ATAD3B: variants seen among roughly 807,000 people sequenced by gnomAD.
ATAD3B encodes ATPase family AAA domain-containing protein 3B.
A neutral mutation model predicts 70.2 loss-of-function variants in ATAD3B; 59 were observed. The ratio of observed to expected loss-of-function variants is 0.84; its 90% CI spans 0.68 to 1.04. The LOEUF (loss-of-function observed/expected upper bound fraction) is 1.04, where lower values mean the gene tolerates loss of function less well. Ranked by LOEUF, ATAD3B falls within the 50% of genes least tolerant of loss-of-function variation. The pLI, the probability that ATAD3B is intolerant of heterozygous loss-of-function variation, is 0.00. For missense variants in ATAD3B, 961 were observed against 913.4 expected (o/e 1.05, Z -0.67); for synonymous variants, 423 against 388.6 (o/e 1.09, Z -1.04).
chr1:1,485,251 C>A, intron 8 of ATAD3B, 80 bp downstream of exon 8: 2 of 1,549,342 alleles, frequency 1.3e-6, no homozygotes, highest in Admixed American at 3.8e-5. Flanking sequence ...CCCACGCACA[C>A]CCTCCCGTCC....
chr1:1,478,367 G>T, intron 2 of ATAD3B: 4 of 1,430,066 alleles, frequency 2.8e-6, no homozygotes, highest in Non-Finnish European at 3.7e-6. Flanking sequence ...CACCTGCCTG[G>T]AGCTGCCCAG....
At chr1:1,491,353 A>G (rs1004241105) in intron 15 of ATAD3B, among the ~76,000 whole-genome samples, 1 of 151,950 alleles carries the variant, frequency 6.6e-6, no homozygotes, top group African/African-American at 2.4e-5. Context: ...CAATATGTCG[A>G]AACCCCGTCT....
intron 4 of ATAD3B, among the ~76,000 whole-genome samples, chr1:1,479,982 G>A (rs1476772950): frequency 7.4e-6 from 1 of 135,428 alleles, no homozygotes; most frequent in Non-Finnish European, 1.6e-5. Flanking sequence ...ACACACACAG[G>A]CATGGACACA....
At chr1:1,485,523 G>A (rs1324750728) in intron 8 of ATAD3B, among the ~76,000 whole-genome samples, 1 of 151,654 alleles carries the variant, frequency 6.6e-6, no homozygotes, top group Non-Finnish European at 1.5e-5. Flanking sequence ...CCGCTTGCCA[G>A]CCCCTGAGGT....
At chr1:1,485,227 C>T in intron 8 of ATAD3B, 56 bp downstream of exon 8, 1 of 1,594,938 alleles carries the variant, frequency 6.3e-7, no homozygotes, top group Non-Finnish European at 8.5e-7. Context: ...GTCCCTTCTG[C>T]CCCACGAGCA....
chr1:1,504,554 G>A, the ATAD3B span, among the ~76,000 whole-genome samples: 1 of 152,122 alleles, frequency 6.6e-6, no homozygotes, highest in Non-Finnish European at 1.5e-5. Context: ...GGAGGCTGAG[G>A]CAGGAGAATC....
the ATAD3B span, chr1:1,509,167 C>T: frequency 1.2e-6 from 2 of 1,605,560 alleles, no homozygotes; most frequent in South Asian, 2.2e-5. Flanking sequence ...TGGGGGGTTC[C>T]CATGGCGGCC....
At chr1:1,475,478 C>G (rs1378600042) in intron 1 of ATAD3B, among the ~76,000 whole-genome samples, 1 of 151,912 alleles carries the variant, frequency 6.6e-6, no homozygotes, top group Non-Finnish European at 1.5e-5. Flanking sequence ...TCGCCCGTTG[C>G]TTTGTCCTTG....
intron 2 of ATAD3B, chr1:1,478,415 C>T (rs1639711769): frequency 6.7e-7 from 1 of 1,502,786 alleles, no homozygotes; most frequent in Non-Finnish European, 8.9e-7. Flanking sequence ...TCTGACCTCC[C>T]TCCCCGGGGG....
At chr1:1,509,423 C>T in the ATAD3B span, 4 of 1,597,228 alleles carry the variant, frequency 2.5e-6, no homozygotes, top group Non-Finnish European at 3.4e-6. Context: ...CGGCCCCGCA[C>T]ATTTAGGAAA....
Position 1,471,791 on chromosome 1 carries a change from A to C in ATAD3B, c.-94A>C, listed in dbSNP as rs1227702521. 1.6e-6 allele frequency: 2 copies of C among 1,218,764 alleles called. No individual in the cohort carries two copies. Among genetic ancestry groups the C allele is most frequent in the African/African-American group, 3.2e-5 (2 of 63,080 alleles). 75.5% of individuals were successfully genotyped at this position (1,218,764 alleles called of 1,614,324 possible). On this transcript the variant is annotated 5_prime_UTR_variant, in exon 1 of 16. Transcript: ENST00000673477. ...TTTCGCCTGCGCAGTGGTCCTGGCC[A>C]CCGGCTCGCGGCGCGTGGAGGCTGC...
At position 1,471,818 on chromosome 1, in the gene ATAD3B, C is replaced by T. The variant is rs1463960481; in HGVS notation, c.-67C>T. On this transcript the variant is annotated 5_prime_UTR_variant, in exon 1 of 16. Coordinates refer to ENST00000673477, the MANE Select transcript of ATAD3B (RefSeq NM_031921.6). ...CGGCTCGCGGCGCGTGGAGGCTGCT[C>T]CCAGCCGCGCCCGAGTCAGACTCGG... 1 of 1,235,460 alleles carries T rather than the reference C, an allele frequency of 8.1e-7. No homozygotes were observed. Among genetic ancestry groups the T allele is most frequent in the Non-Finnish European group, 1.0e-6 (1 of 987,688 alleles). The allele number at this position is 1,235,460 out of a possible 1,614,324, so 76.5% of individuals were successfully genotyped here. A position where few individuals can be genotyped will look rare whatever the true frequency, so the allele number is the denominator to read the frequency against.
chr1:1,509,299 G>C, the ATAD3B span: 2 of 1,612,764 alleles, frequency 1.2e-6, no homozygotes, highest in Non-Finnish European at 1.7e-6. Flanking sequence ...CAGATGATGC[G>C]CTGGCTGAAG....
Position 1,495,472 on chromosome 1 carries a change from C to T in ATAD3B, c.1615-13C>T, listed in dbSNP as rs533405802. 6.3e-7 allele frequency: 1 copy of T among 1,587,064 alleles called. No homozygotes were observed. The highest frequency in any genetic ancestry group is 8.6e-7 in the Non-Finnish European group (1 of 1,162,190). ...CCATAGCGGCCTCCCTCAGCTCCCTCTCTCTTCACTAGGCCACGGCATATG... is the reference window on the plus strand; with the variant it reads ...CCATAGCGGCCTCCCTCAGCTCCCTTTCTCTTCACTAGGCCACGGCATATG... On this transcript the variant is annotated splice_polypyrimidine_tract_variant and intron_variant, in intron 15 of 15. Transcript: ENST00000673477.
chr1:1,480,762 G>C, intron 4 of ATAD3B, 105 bp from the exon 5 acceptor site: 1 of 1,553,300 alleles, frequency 6.4e-7, no homozygotes, highest in Non-Finnish European at 8.7e-7. Context: ...AGGTGCCCAG[G>C]ACGCTTGGAG....
At chr1:1,501,858 T>G (rs1328352676), downstream of ATAD3B, among the ~76,000 whole-genome samples, 3 of 151,692 alleles carry the variant, frequency 2.0e-5, no homozygotes, top group Non-Finnish European at 4.4e-5. Flanking sequence ...GGGTAAGTTT[T>G]TTTTTGTTTT....
the ATAD3B span, among the ~76,000 whole-genome samples, chr1:1,506,899 T>C: frequency 6.6e-6 from 1 of 151,594 alleles, no homozygotes; most frequent in African/African-American, 2.4e-5. Flanking sequence ...GCCATTCTCC[T>C]GCCTCAGCCT....
chr1:1,473,685 GTGGTTTCACCACCTTGGCCAGGGTGGTCT>G (rs1383986294), intron 1 of ATAD3B, among the ~76,000 whole-genome samples: 3 of 151,314 alleles, frequency 2.0e-5, no homozygotes, highest in Non-Finnish European at 1.5e-5. Context: ...TAGTAGAGAC[GTGGTTTCACCACCTTGGCCAGGGTGGTCT>G]TGACCACCTG....
chr1:1,502,649 C>T (rs1205677097), downstream of ATAD3B, among the ~76,000 whole-genome samples: 7 of 150,804 alleles, frequency 4.6e-5, no homozygotes, highest in Non-Finnish European at 7.4e-5. Flanking sequence ...GTAGCTGGGA[C>T]TACAGGCACA....
Sources: allele counts gnomAD v4.1 joint callset (sites outside exome capture counted in the v4.1 genomes callset), GRCh38; gene constraint gnomAD v4.1.1; transcripts MANE v1.5; gene names NCBI Gene and HGNC (gene_info 2026-07-23, HGNC 2026-07-21).